The following COX5A variants were observed in gnomAD, a reference collection of about 807,000 sequenced individuals.
COX5A encodes cytochrome c oxidase subunit 5A.
Under a neutral mutation model 16.1 loss-of-function variants are expected in COX5A, and 6 were observed. The observed-to-expected ratio is 0.37, with a 90% confidence interval of 0.20 to 0.73. COX5A has a LOEUF of 0.73. Among genes scored for constraint, COX5A ranks in the 30% least tolerant of loss-of-function variants. The pLI, the probability that COX5A is intolerant of heterozygous loss-of-function variation, is 0.50. For missense variants in COX5A, 159 were observed against 194.9 expected (o/e 0.82, Z 1.10); for synonymous variants, 73 against 73.8 (o/e 0.99, Z 0.06).
chr15:74,923,171 A>G (rs1422613963), intron 4 of COX5A, among the ~76,000 whole-genome samples: 2 of 151,930 alleles, frequency 1.3e-5, no homozygotes, highest in Non-Finnish European at 2.9e-5. Flanking sequence ...CAAGCCTGTA[A>G]TCCCAGCACT....
intron 4 of COX5A, among the ~76,000 whole-genome samples, chr15:74,922,266 T>C (rs1305537309): frequency 6.6e-6 from 1 of 151,548 alleles, no homozygotes; most frequent in African/African-American, 2.4e-5. Flanking sequence ...ATGCCTGTAA[T>C]CTCAGCTACT....
chr15:74,920,374 A>G lies in COX5A; in HGVS notation c.*78T>C. ...ACTTGTTCAAATAAGGTAATATGTT[A>G]TCATCAGTATTTCCAGGTAACTGTT... On this transcript the variant is annotated 3_prime_UTR_variant, in exon 5 of 5. Coordinates refer to ENST00000322347, the MANE Select transcript of COX5A (RefSeq NM_004255.4). 1 of 694,728 alleles carries G rather than the reference A, an allele frequency of 1.4e-6. No individual in the cohort carries two copies. The highest frequency in any genetic ancestry group is 2.6e-6 in the Non-Finnish European group (1 of 382,242). The allele number at this position is 694,728 out of a possible 1,614,324, so 43.0% of individuals were successfully genotyped here.
At chr15:74,925,545 C>T (rs913904961) in intron 3 of COX5A, among the ~76,000 whole-genome samples, 4 of 150,240 alleles carry the variant, frequency 2.7e-5, no homozygotes, top group Non-Finnish European at 4.4e-5. Flanking sequence ...TGCACCCCCA[C>T]GCCCGGCTAA....
chr15:74,923,845 A>G, intron 3 of COX5A, 75 bp from the exon 4 acceptor site: 1 of 960,430 alleles, frequency 1.0e-6, no homozygotes, highest in South Asian at 1.4e-5. Flanking sequence ...GAACTTAAAA[A>G]TGCCTTTAAT....
intron 1 of COX5A, among the ~76,000 whole-genome samples, chr15:74,931,965 A>T (rs552631792): frequency 1.4e-4 from 21 of 152,302 alleles, no homozygotes; most frequent in Middle Eastern, 3.4e-3. Context: ...AGAAAATTTT[A>T]TCTTTGGGTA....
intron 2 of COX5A, 98 bp from the exon 3 acceptor site, chr15:74,926,985 T>C (rs2065347355): frequency 7.8e-7 from 1 of 1,289,612 alleles, no homozygotes; most frequent in Non-Finnish European, 1.1e-6. Flanking sequence ...TATGATCTTA[T>C]CTGTCTGGGT....
intron 4 of COX5A, among the ~76,000 whole-genome samples, chr15:74,922,792 AGTAGCTG>A (rs1316774577): frequency 6.6e-6 from 1 of 151,256 alleles, no homozygotes; most frequent in African/African-American, 2.4e-5. Context: ...CAGCCTCCCG[AGTAGCTG>A]GGACTACAGG....
Position 74,920,042 on chromosome 15 carries a change from A to G in COX5A, c.*410T>C, listed in dbSNP as rs2065313510. 3.3e-6 allele frequency: 1 copy of G among 304,816 alleles called. No individual in the cohort carries two copies. The highest frequency in any genetic ancestry group is 5.9e-6 in the Non-Finnish European group (1 of 168,132). The allele number at this position is 304,816 out of a possible 1,614,324, so 18.9% of individuals were successfully genotyped here. A position where few individuals can be genotyped will look rare whatever the true frequency, so the allele number is the denominator to read the frequency against. On this transcript the variant is annotated 3_prime_UTR_variant, in exon 5 of 5. Transcript: ENST00000322347. ...ATTTGATCTATCCCCACAGACAACC[A>G]GTCCCCTAAGCCTAGGGTGTCAACA... is the stretch of plus-strand genomic sequence containing the variant.
chr15:74,921,352 G>A (rs1427416322), intron 4 of COX5A, among the ~76,000 whole-genome samples: 4 of 142,312 alleles, frequency 2.8e-5, no homozygotes, highest in African/African-American at 1.0e-4. Flanking sequence ...AGCTTGCAGT[G>A]AGCCGAGATC....
At chr15:74,931,679 G>A (rs571128768) in intron 1 of COX5A, among the ~76,000 whole-genome samples, 1 of 150,464 alleles carries the variant, frequency 6.6e-6, no homozygotes, top group Non-Finnish European at 1.5e-5. Flanking sequence ...TCAGCCTTCT[G>A]AGTAGCTGAG....
At position 74,935,628 on chromosome 15, in the gene COX5A, T is replaced by TAAAA. The variant is rs1281222073; in HGVS notation, c.100+2283_100+2286dup. ...AAAAAAAAATAAATAAATAAATAAA[T>TAAAA]AAAAAATTTTTTTTTTGAGATGGCA... On this transcript the variant is annotated intron_variant, in intron 1 of 4. Transcript: ENST00000322347. Among the ~76,000 whole-genome samples, 1,019 of 148,196 alleles carry TAAAA rather than the reference T, an allele frequency of 6.9e-3. 6 individuals carry two copies. The highest frequency in any genetic ancestry group is 0.014 in the Middle Eastern group (4 of 284).
intron 3 of COX5A, 134 bp from the exon 4 acceptor site, chr15:74,923,904 G>A (rs2065332359): frequency 1.6e-6 from 1 of 616,094 alleles, no homozygotes. Context: ...GATCAGCTGG[G>A]CATGGTGGCT....
intron 4 of COX5A, among the ~76,000 whole-genome samples, chr15:74,921,187 C>T (rs980156549): frequency 2.0e-5 from 3 of 151,242 alleles, no homozygotes; most frequent in African/African-American, 7.3e-5. Flanking sequence ...GCAGGCAGAT[C>T]GCGAAGTCAG....
chr15:74,927,628 C>T (rs765761792), intron 2 of COX5A, among the ~76,000 whole-genome samples: 2 of 151,742 alleles, frequency 1.3e-5, no homozygotes, highest in Admixed American at 6.6e-5. Flanking sequence ...CAAAATTGGC[C>T]GGGCGTGGTG....
intron 1 of COX5A, among the ~76,000 whole-genome samples, chr15:74,931,016 CAAA>C (rs61417867): frequency 1.8e-3 from 43 of 23,716 alleles, no homozygotes; most frequent in African/African-American, 4.8e-3. Flanking sequence ...GACTCTGTCT[CAAA>C]AAAAAAAAAA....
At chr15:74,932,659 C>T (rs2065372404) in intron 1 of COX5A, among the ~76,000 whole-genome samples, 1 of 151,630 alleles carries the variant, frequency 6.6e-6, no homozygotes, top group Admixed American at 6.6e-5. Context: ...TGAAGTGGAA[C>T]ATGTACATAA....
intron 1 of COX5A, among the ~76,000 whole-genome samples, chr15:74,931,389 T>A (rs947240719): frequency 2.0e-5 from 3 of 151,746 alleles, no homozygotes; most frequent in Non-Finnish European, 4.4e-5. Flanking sequence ...TAATCTCAGC[T>A]ACGCGAGAGA....
Position 74,920,283 on chromosome 15 carries a change from C to A in COX5A, c.*169G>T. 1 of 637,334 alleles carries A rather than the reference C, an allele frequency of 1.6e-6. No homozygotes were observed. The highest frequency in any genetic ancestry group is 1.8e-5 in the South Asian group (1 of 54,348). The allele number at this position is 637,334 out of a possible 1,614,324, so 39.5% of individuals were successfully genotyped here. On this transcript the variant is annotated 3_prime_UTR_variant, in exon 5 of 5. Coordinates refer to ENST00000322347, the MANE Select transcript of COX5A (RefSeq NM_004255.4). ...ATGAAACAAATACCTAATTTCAGTT[C>A]AAACTCATTTCCCTTTTATTAAAGT...
chr15:74,932,917 C>G (rs1175470535), intron 1 of COX5A, among the ~76,000 whole-genome samples: 1 of 151,364 alleles, frequency 6.6e-6, no homozygotes, highest in Non-Finnish European at 1.5e-5. Flanking sequence ...AGGCTGGTCT[C>G]GAACTCTTGA....
Sources: gnomAD v4.1 joint callset for allele counts (sites outside exome capture counted in the v4.1 genomes callset) on GRCh38, gnomAD v4.1.1 for gene constraint, MANE v1.5 for transcripts, NCBI Gene and HGNC (gene_info 2026-07-23, HGNC 2026-07-21) for gene names.